Variants in EPRS1 observed in about 807,000 individuals in gnomAD.
EPRS1 encodes the protein bifunctional glutamate/proline--tRNA ligase.
Under a neutral mutation model 188.3 loss-of-function variants are expected in EPRS1, and 107 were observed. That is an observed-to-expected ratio of 0.57 (90% CI 0.49 to 0.67). The LOEUF (loss-of-function observed/expected upper bound fraction) is 0.67. Among genes scored for constraint, EPRS1 ranks in the 30% least tolerant of loss-of-function variants. The probability of loss-of-function intolerance (pLI) is 0.00; values close to 1 mark genes in which losing one functional copy is unlikely to be tolerated. For missense variants in EPRS1, 1,577 were observed against 1,802.2 expected (o/e 0.88, Z 2.26); for synonymous variants, 596 against 593.1 (o/e 1.00, Z -0.07).
chr1:219,981,486 C>G, intron 23 of EPRS1, 29 bp from the exon 24 acceptor site: 1 of 1,445,690 alleles, frequency 6.9e-7, no homozygotes, highest in South Asian at 1.3e-5. Flanking sequence ...TAGAGACAGT[C>G]ATTTAAGGCT....
intron 1 of EPRS1, 50 bp downstream of exon 1, chr1:220,046,293 C>T (rs182707226): frequency 2.5e-5 from 41 of 1,611,352 alleles, no homozygotes; most frequent in African/African-American, 9.3e-5. Context: ...ACGCCCTGCA[C>T]CCTCCCTGGC....
rs143698401 is a variant in EPRS1, at chr1:220,035,891, G to T, written c.132-878C>A. 3.3e-5 allele frequency among the ~76,000 whole-genome samples: 5 copies of T among 152,130 alleles called. No homozygotes were observed. The East Asian group carries it at 5.8e-4, about 18-fold the overall frequency. On this transcript the variant is annotated intron_variant, in intron 2 of 31. Coordinates refer to ENST00000366923, the MANE Select transcript of EPRS1 (RefSeq NM_004446.3). ...TGCTAATAAAGAGGCTACGAAGGCA[G>T]ATCAAACCTCATCCAAACCCATCAC...
At chr1:220,037,028 A>G (rs1662194279) in intron 2 of EPRS1, among the ~76,000 whole-genome samples, 1 of 144,724 alleles carries the variant, frequency 6.9e-6, no homozygotes, top group African/African-American at 2.8e-5. Flanking sequence ...TCCAGAAAGT[A>G]AAGGAAAAAA....
At chr1:219,974,747 T>A (rs886345721) in intron 28 of EPRS1, among the ~76,000 whole-genome samples, 1 of 152,212 alleles carries the variant, frequency 6.6e-6, no homozygotes, top group Admixed American at 6.5e-5. Flanking sequence ...TAGTTATTTA[T>A]CCAATGTATT....
In EPRS1 at chr1:219,978,719, C is replaced by T. The variant is rs1660827172; in HGVS notation, c.3910G>A (p.Val1304Met). ...VLPPRVACVQ[V>M]VIIPCGITNA... ...GTAATGCCACAAGGAATAATCACCA[C>T]CTAGAATCAGCACAATGTCCCAAAT... The change falls in exon 28 of 32, where the codon GTG becomes ATG. Residue 1304 changes from valine (V) to methionine (M), a missense_variant and splice_region_variant. Val to Met is a conservative substitution (Grantham distance 21). Transcript: ENST00000366923. 6.2e-7 allele frequency: 1 copy of T among 1,606,244 alleles called. No individual in the cohort carries two copies. The highest frequency in any genetic ancestry group is 1.7e-5 in the Admixed American group (1 of 58,974).
chr1:220,030,962 T>C (rs1429957408), intron 5 of EPRS1, among the ~76,000 whole-genome samples: 1 of 151,880 alleles, frequency 6.6e-6, no homozygotes, highest in Non-Finnish European at 1.5e-5. Context: ...CCTGGCGGCG[T>C]GCACCTGTAG....
chr1:220,026,520 G>T (rs562163262), intron 6 of EPRS1, among the ~76,000 whole-genome samples: 4 of 151,276 alleles, frequency 2.6e-5, no homozygotes, highest in Non-Finnish European at 5.9e-5. Context: ...AGTTTTTTTT[G>T]TTGTTGTTGT....
intron 23 of EPRS1, 89 bp from the exon 24 acceptor site, chr1:219,981,546 G>A: frequency 1.9e-5 from 12 of 630,792 alleles, no homozygotes; most frequent in East Asian, 2.8e-5. Context: ...ATAATTAATA[G>A]GAATTAAAAT....
intron 15 of EPRS1, 38 bp from the exon 16 acceptor site, chr1:220,005,398 A>G: frequency 9.7e-7 from 1 of 1,036,068 alleles, no homozygotes; most frequent in Non-Finnish European, 1.5e-6. Context: ...ACTTTCTCAA[A>G]ATCATAGTAG....
In EPRS1 at chr1:220,024,519, C is replaced by G. The variant is rs1661935930; in HGVS notation, c.751-63G>C. ...TTGCATTTTTTCGTGCATTTTCAAC[C>G]CTTGATACTGCATTTAAGCAAATGT... On this transcript the variant is annotated intron_variant, in intron 7 of 31. Transcript: ENST00000366923. 2.7e-6 allele frequency: 3 copies of G among 1,097,648 alleles called. No individual in the cohort carries two copies. In the East Asian group the frequency reaches 7.2e-5, roughly 26 times the overall value. 68.0% of individuals were successfully genotyped at this position (1,097,648 alleles called of 1,614,324 possible).
intron 2 of EPRS1, among the ~76,000 whole-genome samples, chr1:220,036,443 C>G (rs2577162): frequency 0.65 from 98,084 of 151,486 alleles, 33,056 homozygotes; most frequent in Non-Finnish European, 0.76. Context: ...AAATGCCCAT[C>G]AGTGACACAC....
At chr1:220,041,635 G>A (rs1662296643) in intron 1 of EPRS1, among the ~76,000 whole-genome samples, 2 of 152,176 alleles carry the variant, frequency 1.3e-5, no homozygotes, top group South Asian at 2.1e-4. Context: ...GAGGTCGGGA[G>A]TTCGAGACCA....
intron 10 of EPRS1, among the ~76,000 whole-genome samples, chr1:220,019,568 T>C (rs1661819414): frequency 6.6e-6 from 1 of 152,202 alleles, no homozygotes; most frequent in Non-Finnish European, 1.5e-5. Context: ...AATACCCTTT[T>C]CATGGAGCTC....
At position 219,997,074 on chromosome 1, in the gene EPRS1, G is replaced by A. The variant is rs983954489; in HGVS notation, c.2450C>T (p.Ser817Leu). 6.2e-7 allele frequency: 1 copy of A among 1,613,962 alleles called. No homozygotes were observed. Among genetic ancestry groups the A allele is most frequent in the Non-Finnish European group, 8.5e-7 (1 of 1,179,934 alleles). The part of the protein sequence containing the change: ...EIGQNISSNS[S>L]ASILESKSLY... ...AGATTTACTTTCCAGAATACTTGCT[G>A]AGGAATTAGAAGAAATATTCTGTCC... Residue 817 changes from serine to leucine, a missense_variant, in exon 18 of 32, where the codon TCA (serine) becomes TTA (leucine). This residue lies in a region of EPRS1 where 1,278 missense variants were observed against 1,457.4 expected (regional missense o/e 0.88). Transcript: ENST00000366923.
chr1:219,982,902 T>C, intron 22 of EPRS1, 58 bp from the exon 23 acceptor site: 1 of 1,451,040 alleles, frequency 6.9e-7, no homozygotes, highest in South Asian at 1.1e-5. Flanking sequence ...GGAGCAACAG[T>C]ACAAATGCAG....
intron 18 of EPRS1, among the ~76,000 whole-genome samples, chr1:219,989,804 G>A (rs1661083934): frequency 6.6e-6 from 1 of 152,138 alleles, no homozygotes; most frequent in Admixed American, 6.6e-5. Context: ...AAGAGAAAAT[G>A]TACAAAGAGA....
chr1:220,015,810 A>G (rs1215320013), intron 12 of EPRS1, among the ~76,000 whole-genome samples: 3 of 151,736 alleles, frequency 2.0e-5, no homozygotes, highest in Admixed American at 2.0e-4. Context: ...AAAAAAAAAG[A>G]AGATCCAAGA....
chr1:219,978,735 T>G lies in EPRS1; in HGVS notation c.3910-16A>C, dbSNP rs748066586. 4.4e-6 allele frequency: 7 copies of G among 1,592,476 alleles called. No homozygotes were observed. The South Asian group carries it at 7.9e-5, about 18-fold the overall frequency. ...TAATCACCACCTAGAATCAGCACAATGTCCCAAATGTATGCAAAGAAACAG... is the reference window on the plus strand; with the variant it reads ...TAATCACCACCTAGAATCAGCACAAGGTCCCAAATGTATGCAAAGAAACAG... On this transcript the variant is annotated splice_polypyrimidine_tract_variant and intron_variant, in intron 27 of 31. Transcript: ENST00000366923.
intron 6 of EPRS1, among the ~76,000 whole-genome samples, chr1:220,029,441 T>A (rs1482474052): frequency 6.6e-6 from 1 of 152,232 alleles, no homozygotes; most frequent in Non-Finnish European, 1.5e-5. Context: ...TTAATGATGC[T>A]TATGAAATAG....
Sources: gnomAD v4.1 joint callset for allele counts (sites outside exome capture counted in the v4.1 genomes callset) on GRCh38, gnomAD v4.1.1 for gene constraint, gnomAD v4.1.1 regional missense constraint, MANE v1.5 for transcripts, NCBI Gene and HGNC (gene_info 2026-07-23, HGNC 2026-07-21) for gene names.